The following IL1RAPL2 variants were observed in gnomAD, a reference collection of about 807,000 sequenced individuals.
IL1RAPL2 encodes interleukin 1 receptor accessory protein like 2, also known as X-linked interleukin-1 receptor accessory protein-like 2.
In IL1RAPL2, 3 loss-of-function variants were observed where a neutral mutation model predicts 44.1. That is an observed-to-expected ratio of 0.07 (90% CI 0.03 to 0.18). The LOEUF (loss-of-function observed/expected upper bound fraction) is 0.18, where lower values mean the gene tolerates loss of function less well. IL1RAPL2 is among the 10% of genes least tolerant of loss of function. The pLI, the probability that IL1RAPL2 is intolerant of heterozygous loss-of-function variation, is 1.00. For missense variants in IL1RAPL2, 391 were observed against 496.4 expected, an observed-to-expected ratio of 0.79 and a Z score of 2.02; for synonymous variants, 181 against 178.8, an observed-to-expected ratio of 1.01 and a Z score of -0.10.
intron 1 of IL1RAPL2, among the ~76,000 whole-genome samples, chrX:104,650,979 T>C (rs1427255803): frequency 8.9e-6 from 1 of 111,908 alleles, no homozygotes; most frequent in African/African-American, 3.2e-5. Context: ...GAGATTATAG[T>C]AACTCATAAG....
At chrX:104,891,784 A>G (rs1331042619) in intron 2 of IL1RAPL2, among the ~76,000 whole-genome samples, 4 of 111,190 alleles carry the variant, frequency 3.6e-5, no homozygotes, top group South Asian at 3.8e-4. Context: ...AATACCCTTT[A>G]TTTCTTTCTC....
chrX:105,526,654 G>T (rs2036596849), intron 6 of IL1RAPL2, among the ~76,000 whole-genome samples: 1 of 111,567 alleles, frequency 9.0e-6, no homozygotes, highest in South Asian at 3.7e-4. Flanking sequence ...CATTAATGCT[G>T]CCAGGAAAAA....
intron 1 of IL1RAPL2, among the ~76,000 whole-genome samples, chrX:104,598,757 G>A (rs1331301134): frequency 3.6e-5 from 4 of 111,691 alleles, no homozygotes; most frequent in South Asian, 3.7e-4. Context: ...GGTTACTTAC[G>A]GCTTAAAATA....
intron 1 of IL1RAPL2, among the ~76,000 whole-genome samples, chrX:104,637,470 T>C (rs1415743434): frequency 5.4e-5 from 6 of 111,242 alleles, no homozygotes; most frequent in African/African-American, 1.6e-4. Flanking sequence ...ATAGCCTTTA[T>C]TATGTTGAGG....
intron 2 of IL1RAPL2, among the ~76,000 whole-genome samples, chrX:104,691,083 C>T (rs1931084235): frequency 8.9e-6 from 1 of 111,949 alleles, no homozygotes; most frequent in Admixed American, 9.5e-5. Flanking sequence ...CCAAGATCAT[C>T]GGTAGATTGT....
chrX:105,679,054 A>C (rs1198861672), intron 6 of IL1RAPL2, among the ~76,000 whole-genome samples: 1 of 105,789 alleles, frequency 9.5e-6, no homozygotes, highest in African/African-American at 3.4e-5. Context: ...CTATCATGTG[A>C]TAGACAAAGT....
chrX:105,066,106 C>G (rs2147534995), intron 2 of IL1RAPL2, among the ~76,000 whole-genome samples: 1 of 111,182 alleles, frequency 9.0e-6, no homozygotes, highest in African/African-American at 3.3e-5. Flanking sequence ...CTCATTGGCT[C>G]AGAAATGAAA....
At chrX:105,500,599 A>C (rs1030483638) in intron 6 of IL1RAPL2, among the ~76,000 whole-genome samples, 1 of 111,409 alleles carries the variant, frequency 9.0e-6, no homozygotes, top group Non-Finnish European at 1.9e-5. Flanking sequence ...CCTCTTTCTC[A>C]TCTTTAATAA....
intron 5 of IL1RAPL2, among the ~76,000 whole-genome samples, chrX:105,443,545 C>T (rs2035935145): frequency 8.9e-6 from 1 of 111,848 alleles, no homozygotes; most frequent in Non-Finnish European, 1.9e-5. Context: ...TATTCTCTAT[C>T]ACCACGAATT....
At chrX:105,001,454 CT>C (rs1197148153) in intron 2 of IL1RAPL2, among the ~76,000 whole-genome samples, 1 of 111,169 alleles carries the variant, frequency 9.0e-6, no homozygotes, top group Non-Finnish European at 1.9e-5. Flanking sequence ...GAACTGAGTT[CT>C]TTTGCTTCAT....
chrX:104,838,930 A>G (rs1422895501), intron 2 of IL1RAPL2, among the ~76,000 whole-genome samples: 4 of 99,137 alleles, frequency 4.0e-5, no homozygotes, highest in Non-Finnish European at 8.0e-5. Flanking sequence ...ACTCACTGCA[A>G]TCTCTGCCTC....
At chrX:104,938,327 G>T (rs934090514) in intron 2 of IL1RAPL2, among the ~76,000 whole-genome samples, 1 of 111,695 alleles carries the variant, frequency 9.0e-6, no homozygotes, top group Non-Finnish European at 1.9e-5. Flanking sequence ...TATCAATATG[G>T]TGCTATTATT....
intron 2 of IL1RAPL2, among the ~76,000 whole-genome samples, chrX:104,991,087 A>G (rs1418856960): frequency 9.0e-6 from 1 of 111,592 alleles, no homozygotes; most frequent in African/African-American, 3.3e-5. Context: ...GAATAATGCT[A>G]GACAGCATTA....
intron 2 of IL1RAPL2, among the ~76,000 whole-genome samples, chrX:104,860,698 G>GA (rs925805427): frequency 1.1e-4 from 12 of 110,782 alleles, no homozygotes; most frequent in Admixed American, 6.7e-4. Context: ...TGTCAGCACT[G>GA]AAAAAAATTT....
intron 6 of IL1RAPL2, among the ~76,000 whole-genome samples, chrX:105,659,507 A>AT (rs1166649062): frequency 1.8e-5 from 2 of 108,265 alleles, no homozygotes; most frequent in Non-Finnish European, 3.8e-5. Flanking sequence ...AATACAAAAA[A>AT]TTAGCTGGGC....
chrX:104,741,162 C>T (rs928506207), intron 2 of IL1RAPL2, among the ~76,000 whole-genome samples: 8 of 111,174 alleles, frequency 7.2e-5, no homozygotes, highest in African/African-American at 9.8e-5. Context: ...TTATTAAAGT[C>T]GTCTTCACTT....
At chrX:105,361,279 T>C (rs1290030870) in intron 5 of IL1RAPL2, among the ~76,000 whole-genome samples, 1 of 111,866 alleles carries the variant, frequency 8.9e-6, no homozygotes, top group Non-Finnish European at 1.9e-5. Context: ...TTTACTGACA[T>C]ATTTTGAGTC....
intron 3 of IL1RAPL2, among the ~76,000 whole-genome samples, chrX:105,208,679 C>T (rs1177380265): frequency 8.9e-6 from 1 of 111,852 alleles, no homozygotes; most frequent in Non-Finnish European, 1.9e-5. Context: ...GACCAGATCT[C>T]ACTCTTCAAC....
At chrX:105,307,562 TA>T (rs2034756264) in intron 5 of IL1RAPL2, among the ~76,000 whole-genome samples, 1 of 39,358 alleles carries the variant, frequency 2.5e-5, no homozygotes, top group Admixed American at 4.5e-4. Context: ...TATTTTCTAT[TA>T]TATATATTAT....
Sources: gnomAD v4.1 joint callset for allele counts (sites outside exome capture counted in the v4.1 genomes callset) on GRCh38, gnomAD v4.1.1 for gene constraint, MANE v1.5 for transcripts, NCBI Gene and HGNC (gene_info 2026-07-23, HGNC 2026-07-21) for gene names.